Variants in ARHGEF10 observed in about 807,000 individuals in gnomAD.
ARHGEF10 encodes Rho guanine nucleotide exchange factor (GEF) 10.
In ARHGEF10, 140 loss-of-function variants were observed where a neutral mutation model predicts 147.4. The ratio of observed to expected loss-of-function variants is 0.95; its 90% CI spans 0.83 to 1.09. The LOEUF is 1.09. Ranked by LOEUF, ARHGEF10 falls within the 50% of genes least tolerant of loss-of-function variation. ARHGEF10 has a pLI of 0.00. For missense variants in ARHGEF10, 2,222 were observed against 1,752.7 expected, an observed-to-expected ratio of 1.27 and a Z score of -4.78; for synonymous variants, 902 against 695.8, an observed-to-expected ratio of 1.30 and a Z score of -4.67.
chr8:1,924,502 A>G (rs1812539097), intron 21 of ARHGEF10, among the ~76,000 whole-genome samples: 1 of 152,236 alleles, frequency 6.6e-6, no homozygotes, highest in Non-Finnish European at 1.5e-5. Context: ...CTTCTGCTGT[A>G]GATAATCTGA....
chr8:1,905,512 TC>T, intron 16 of ARHGEF10, 58 bp from the exon 17 acceptor site: 1 of 1,610,940 alleles, frequency 6.2e-7, no homozygotes, highest in Non-Finnish European at 8.5e-7. Context: ...CTTCTCCTCA[TC>T]TTTTTCTTTT....
At chr8:1,933,720 TA>T in intron 25 of ARHGEF10, 79 bp from the exon 26 acceptor site, 1 of 1,536,504 alleles carries the variant, frequency 6.5e-7, no homozygotes, top group Admixed American at 1.7e-5. Flanking sequence ...GTCAGTTACT[TA>T]AAATGATGTA....
In ARHGEF10 at chr8:1,923,072, A is replaced by G; in HGVS notation, c.2252A>G (p.Asn751Ser). Reference sequence around the variant, plus strand: ...CAGCTGATAGGAAACCTTAAAGGAAACTATCAGGTAACAATTGAAGCAATT... The same window carrying G: ...CAGCTGATAGGAAACCTTAAAGGAAGCTATCAGGTAACAATTGAAGCAATT... Reference protein sequence around the residue: ...ITQLIGNLKGNYQNLNQSVAH... With the variant: ...ITQLIGNLKGSYQNLNQSVAH... The change falls in exon 19 of 29, where the codon AAC becomes AGC. Residue 751 changes from asparagine to serine, a missense_variant. Physicochemically the swap from Asn to Ser is conservative, Grantham distance 46. Transcript: ENST00000349830. 1 of 1,599,240 alleles carries G rather than the reference A, an allele frequency of 6.3e-7. No homozygotes were observed. The highest frequency in any genetic ancestry group is 8.6e-7 in the Non-Finnish European group (1 of 1,167,368).
chr8:1,955,229 G>GCGCAC lies in ARHGEF10; in HGVS notation c.3521-1520_3521-1519insCGCAC, dbSNP rs1815423000. On this transcript the variant is annotated intron_variant, in intron 28 of 28. Transcript: ENST00000349830. ...GTAGCCAGGTGCTTCCTGAAAGGAG[G>GCGCAC]TGCACTCTCACTGTTCCTCTGGAGG... Among the ~76,000 whole-genome samples the GCGCAC allele has an allele frequency of 2.0e-5, 3 of 149,894 alleles. No individual in the cohort carries two copies. The South Asian group carries it at 6.2e-4, about 31-fold the overall frequency.
At chr8:1,923,727 A>G in intron 20 of ARHGEF10, 47 bp from the exon 21 acceptor site, 1 of 1,613,648 alleles carries the variant, frequency 6.2e-7, no homozygotes, top group South Asian at 1.1e-5. Flanking sequence ...ACCTCACAGG[A>G]TGGAGCACGT....
chr8:1,923,089 G>A lies in ARHGEF10; in HGVS notation c.2259+10G>A, dbSNP rs1812421909. The A allele has an allele frequency of 6.4e-7, 1 of 1,556,638 alleles. No homozygotes were observed. Among genetic ancestry groups the A allele is most frequent in the African/African-American group, 1.4e-5 (1 of 73,750 alleles). On this transcript the variant is annotated intron_variant, in intron 19 of 28. Transcript: ENST00000349830. ...TAAAGGAAACTATCAGGTAACAATT[G>A]AAGCAATTGGATTTAAGATTCTGCC...
chr8:1,874,217 A>G lies in ARHGEF10; in HGVS notation c.680-2354A>G, dbSNP rs140247367. ...GGAAGTTCCGTGTTTGCTGGGGGTCACAACAGCAATTGCGTTTCTAAAACA... is the reference window on the plus strand; with the variant it reads ...GGAAGTTCCGTGTTTGCTGGGGGTCGCAACAGCAATTGCGTTTCTAAAACA... On this transcript the variant is annotated intron_variant, in intron 7 of 28. Transcript: ENST00000349830. Among the ~76,000 whole-genome samples, 343 of 152,370 alleles carry G rather than the reference A, an allele frequency of 2.3e-3. 3 individuals are homozygous for G. The highest frequency in any genetic ancestry group is 0.02 in the Middle Eastern group (6 of 294).
chr8:1,955,394 A>T (rs1380390686), intron 28 of ARHGEF10, among the ~76,000 whole-genome samples: 1 of 108,578 alleles, frequency 9.2e-6, no homozygotes. Context: ...GTGTACTCTC[A>T]CTGTTTCTCT....
At chr8:1,921,640 C>T (rs1563288655) in intron 18 of ARHGEF10, among the ~76,000 whole-genome samples, 2 of 152,056 alleles carry the variant, frequency 1.3e-5, no homozygotes, top group Non-Finnish European at 2.9e-5. Flanking sequence ...GAGGCTGAGG[C>T]AGGAGAATCG....
chr8:1,946,704 G>A (rs996484127), intron 27 of ARHGEF10, among the ~76,000 whole-genome samples: 3 of 152,190 alleles, frequency 2.0e-5, no homozygotes, highest in Admixed American at 6.5e-5. Context: ...TCCATGACGG[G>A]CCATTTATGA....
chr8:1,951,711 G>C (rs181873810), intron 27 of ARHGEF10, among the ~76,000 whole-genome samples: 1 of 152,370 alleles, frequency 6.6e-6, no homozygotes, highest in Non-Finnish European at 1.5e-5. Context: ...TGGGCCTACT[G>C]TGCTCCTCAG....
intron 5 of ARHGEF10, 54 bp downstream of exon 5, chr8:1,864,490 G>A (rs1806418384): frequency 6.4e-7 from 1 of 1,566,632 alleles, no homozygotes; most frequent in Non-Finnish European, 8.8e-7. Flanking sequence ...CTCCTGAGGA[G>A]CTGGACGTGG....
chr8:1,901,518 A>G (rs537488562), intron 15 of ARHGEF10, among the ~76,000 whole-genome samples: 1 of 152,306 alleles, frequency 6.6e-6, no homozygotes, highest in East Asian at 1.9e-4. Context: ...TCTTTATCCC[A>G]GCTACCTATT....
intron 11 of ARHGEF10, among the ~76,000 whole-genome samples, chr8:1,892,022 A>G (rs1231768888): frequency 1.3e-5 from 2 of 148,936 alleles, no homozygotes; most frequent in African/African-American, 4.9e-5. Flanking sequence ...AGTATAATAT[A>G]TAACATATTA....
At chr8:1,849,985 GAC>G (rs1804937433) in intron 2 of ARHGEF10, among the ~76,000 whole-genome samples, 1 of 116,758 alleles carries the variant, frequency 8.6e-6, no homozygotes, top group Non-Finnish European at 1.8e-5. Flanking sequence ...CGGCTGCATG[GAC>G]ACAGAGGGCA....
intron 1 of ARHGEF10, among the ~76,000 whole-genome samples, chr8:1,829,091 C>T (rs1362397225): frequency 2.0e-5 from 3 of 152,228 alleles, no homozygotes; most frequent in Non-Finnish European, 2.9e-5. Context: ...ACCTGGGGGG[C>T]GGCCAACCAG....
At position 1,909,462 on chromosome 8, in the gene ARHGEF10, C is replaced by A. The variant is rs201394769; in HGVS notation, c.2135C>A (p.Ala712Glu). The A allele has an allele frequency of 6.2e-7, 1 of 1,614,002 alleles. No homozygotes were observed. Among genetic ancestry groups the A allele is most frequent in the East Asian group, 2.2e-5 (1 of 44,878 alleles). ...GAGAGCCTGGCCGTGGTTGCTAACG[C>A]GAAACCAAGTAAGTGATGCTTTCTC... Reference protein sequence around the residue: ...PPESLAVVANAKPNKVYMGPG... With the variant: ...PPESLAVVANEKPNKVYMGPG... The change falls in exon 18 of 29, where the codon GCG becomes GAG. Residue 712 changes from alanine to glutamate, a missense_variant. Physicochemically the swap from Ala to Glu is moderately radical, Grantham distance 107. Transcript: ENST00000349830.
chr8:1,928,632 T>C lies in ARHGEF10; in HGVS notation c.2903T>C (p.Val968Ala). 6.2e-7 allele frequency: 1 copy of C among 1,614,046 alleles called. No individual in the cohort carries two copies. The highest frequency in any genetic ancestry group is 8.5e-7 in the Non-Finnish European group (1 of 1,180,006). Residue 968 changes from valine to alanine, a missense_variant, in exon 24 of 29, where the codon GTA becomes GCA. Coordinates refer to ENST00000349830, the MANE Select transcript of ARHGEF10 (RefSeq NM_014629.4). ...VRASDVPTIC[V>A]GTEEGSISIY... ...GCTTCTGATGTCCCCACGATCTGTG[T>C]AGGGACGGAGGAGGGAAGGTAGGGC...
chr8:1,830,593 A>G (rs909966443), intron 1 of ARHGEF10, among the ~76,000 whole-genome samples: 10 of 152,338 alleles, frequency 6.6e-5, no homozygotes, highest in African/African-American at 2.4e-4. Flanking sequence ...TGTTTCATGA[A>G]TACCGCTGCG....
Sources: allele counts gnomAD v4.1 joint callset (sites outside exome capture counted in the v4.1 genomes callset), GRCh38; gene constraint gnomAD v4.1.1; transcripts MANE v1.5; gene names NCBI Gene and HGNC (gene_info 2026-07-23, HGNC 2026-07-21).